The following SMC2 variants were observed in gnomAD, a reference collection of about 807,000 sequenced individuals.
SMC2 encodes the protein structural maintenance of chromosomes protein 2.
A neutral mutation model predicts 142.6 loss-of-function variants in SMC2; 41 were observed. The observed-to-expected ratio is 0.29, with a 90% confidence interval of 0.22 to 0.37. SMC2 has a LOEUF of 0.37. Among genes scored for constraint, SMC2 ranks in the 10% least tolerant of loss-of-function variants. The probability of loss-of-function intolerance (pLI) is 1.00; values close to 1 mark genes in which losing one functional copy is unlikely to be tolerated. For synonymous variants in SMC2, 463 were observed against 457.5 expected (o/e 1.01, Z -0.15); for missense variants, 1,265 against 1,373.7 (o/e 0.92, Z 1.25).
At chr9:104,131,537 A>G (rs1267281812) in intron 21 of SMC2, among the ~76,000 whole-genome samples, 1 of 151,908 alleles carries the variant, frequency 6.6e-6, no homozygotes, top group Non-Finnish European at 1.5e-5. Context: ...GGTCCAATTT[A>G]TGTGGTTCCT....
At chr9:104,124,027 C>G (rs139086927) in intron 17 of SMC2, among the ~76,000 whole-genome samples, 2 of 152,154 alleles carry the variant, frequency 1.3e-5, no homozygotes, top group African/African-American at 4.8e-5. Context: ...GTTATGTTTG[C>G]ACCTGGGTCC....
Position 104,095,410 on chromosome 9 carries a change from A to G in SMC2, c.26A>G (p.Glu9Gly), listed in dbSNP as rs761246411. The change falls in exon 2 of 25, where the codon GAG becomes GGG. Residue 9 changes from glutamate to glycine, a missense_variant. By Grantham distance (98) the Glu-to-Gly change is moderately conservative. Around this residue, in one of 4 missense-constraint regions of SMC2, gnomAD observed 168 missense variants for 184.8 expected, o/e 0.91. Transcript: ENST00000374793. MHIKSIIL[E>G]GFKSYAQRTE... ...ATGCATATTAAGTCAATTATTCTAG[A>G]GGGATTCAAGTCCTATGCTCAGAGG... is the stretch of plus-strand genomic sequence containing the variant. 1.2e-6 allele frequency: 2 copies of G among 1,613,534 alleles called. No individual in the cohort carries two copies. The highest frequency in any genetic ancestry group is 3.3e-5 in the Admixed American group (2 of 60,030).
At position 104,137,759 on chromosome 9, in the gene SMC2, A is replaced by T. The variant is rs575954139; in HGVS notation, c.3270-259A>T. Among the ~76,000 whole-genome samples, 6 of 152,324 alleles carry T rather than the reference A, an allele frequency of 3.9e-5. No individual in the cohort carries two copies. The East Asian group carries it at 1.2e-3, about 29-fold the overall frequency. ...AACATGATCTTAAGAATAGGTGCCAAACGTAATATGGCAATATTAAAATTG... is the reference window on the plus strand; with the variant it reads ...AACATGATCTTAAGAATAGGTGCCATACGTAATATGGCAATATTAAAATTG... On this transcript the variant is annotated intron_variant, in intron 23 of 24. Transcript: ENST00000374793.
intron 16 of SMC2, among the ~76,000 whole-genome samples, chr9:104,122,321 A>G (rs1165395466): frequency 6.6e-6 from 1 of 152,228 alleles, no homozygotes; most frequent in Non-Finnish European, 1.5e-5. Context: ...ATTGTTTCAC[A>G]CCATATCAGG....
At position 104,139,187 on chromosome 9, in the gene SMC2, C is replaced by A; in HGVS notation, c.3466C>A (p.Leu1156Ile). 1.9e-6 allele frequency: 3 copies of A among 1,599,434 alleles called. No individual in the cohort carries two copies. The highest frequency in any genetic ancestry group is 2.3e-5 in the East Asian group (1 of 44,078). Residue 1156 changes from leucine (L) to isoleucine (I), a missense_variant, in exon 25 of 25, where the codon CTT becomes ATT. Leu to Ile is a conservative substitution (Grantham distance 5). Coordinates refer to ENST00000374793, the MANE Select transcript of SMC2 (RefSeq NM_006444.3). Reference protein sequence around the residue: ...KEGMFNNANVLFKTKFVDGVS... With the variant: ...KEGMFNNANVIFKTKFVDGVS... Reference sequence around the variant, plus strand: ...AGGTATGTTCAACAATGCAAACGTTCTTTTCAAAACCAAGTTTGTGGATGG... The same window carrying A: ...AGGTATGTTCAACAATGCAAACGTTATTTTCAAAACCAAGTTTGTGGATGG...
chr9:104,108,571 G>A (rs1832080884), intron 9 of SMC2, among the ~76,000 whole-genome samples: 1 of 152,160 alleles, frequency 6.6e-6, no homozygotes, highest in South Asian at 2.1e-4. Context: ...TCTGGCGCTG[G>A]GAATGAGCAA....
rs1244829962 is a variant in SMC2, at chr9:104,095,252, G to C, written c.-61-72G>C. The C allele has an allele frequency of 1.7e-5, 12 of 691,266 alleles. No homozygotes were observed. In the South Asian group the frequency reaches 2.2e-4, roughly 13 times the overall value. The allele number at this position is 691,266 out of a possible 1,614,324, so 42.8% of individuals were successfully genotyped here. A position where few individuals can be genotyped will look rare whatever the true frequency, so the allele number is the denominator to read the frequency against. The stretch of plus-strand genomic sequence containing the variant: ...TTATTTCTATCACCCTATCGTTGCT[G>C]TTTTTGCCTCGTGTTCATTATGATT... On this transcript the variant is annotated intron_variant, in intron 1 of 24. Transcript: ENST00000374793.
chr9:104,132,013 A>G lies in SMC2; in HGVS notation c.2996A>G (p.Asn999Ser), dbSNP rs201268937. The change falls in exon 22 of 25, where the codon AAT becomes AGT. Residue 999 changes from asparagine to serine, a missense_variant. By Grantham distance (46) the Asn-to-Ser change is conservative. This residue lies in a region of SMC2 where 192 missense variants were observed against 261.9 expected (regional missense o/e 0.73). Coordinates refer to ENST00000374793, the MANE Select transcript of SMC2 (RefSeq NM_006444.3). The part of the protein sequence containing the change: ...NVLTEAEERY[N>S]DLMKKKRIVE... ...ACCATGTTTTTTATCTCATAGTACA[A>G]TGACTTGATGAAGAAGAAGAGAATT... 5.2e-4 allele frequency: 759 copies of G among 1,472,556 alleles called. 3 individuals are homozygous for G. The highest frequency in any genetic ancestry group is 2.1e-3 in the Admixed American group (115 of 54,162). 91.2% of individuals were successfully genotyped at this position (1,472,556 alleles called of 1,614,324 possible).
intron 9 of SMC2, among the ~76,000 whole-genome samples, chr9:104,106,041 G>T (rs1831728836): frequency 1.3e-5 from 2 of 152,186 alleles, no homozygotes; most frequent in Non-Finnish European, 2.9e-5. Flanking sequence ...AAAGTACAGT[G>T]TTTAGGTCCA....
intron 9 of SMC2, among the ~76,000 whole-genome samples, chr9:104,105,997 G>A (rs1831723906): frequency 1.3e-5 from 2 of 152,166 alleles, no homozygotes; most frequent in Admixed American, 1.3e-4. Flanking sequence ...TAGGGATTGG[G>A]CTATGCATTG....
At chr9:104,123,776 T>C (rs969522295) in intron 17 of SMC2, among the ~76,000 whole-genome samples, 3 of 152,176 alleles carry the variant, frequency 2.0e-5, no homozygotes, top group Non-Finnish European at 2.9e-5. Context: ...TCTTTTAATT[T>C]TGTGTTCATA....
chr9:104,132,616 G>T (rs1252186701), intron 22 of SMC2, among the ~76,000 whole-genome samples: 1 of 152,024 alleles, frequency 6.6e-6, no homozygotes, highest in African/African-American at 2.4e-5. Context: ...GTGCCTTCTG[G>T]GTTTTAATGG....
rs1483763886 is a variant in SMC2 at position 104,123,324 on chromosome 9, A to T, written c.2257+92A>T. 6 of 1,281,436 alleles carry T rather than the reference A, an allele frequency of 4.7e-6. No individual in the cohort carries two copies. The East Asian group carries it at 1.6e-4, about 34-fold the overall frequency. 79.4% of individuals were successfully genotyped at this position (1,281,436 alleles called of 1,614,324 possible). Reference sequence around the variant, plus strand: ...CTTCTCTACCTGTGCTATGTTTAAGATATATATGATAAAGTTTATTTAGGG... The same window carrying T: ...CTTCTCTACCTGTGCTATGTTTAAGTTATATATGATAAAGTTTATTTAGGG... On this transcript the variant is annotated intron_variant, in intron 17 of 24. Transcript: ENST00000374793.
In SMC2 at chr9:104,113,601, A is replaced by G. The variant is rs1832738164; in HGVS notation, c.1414+126A>G. 3 of 719,626 alleles carry G rather than the reference A, an allele frequency of 4.2e-6. No individual in the cohort carries two copies. In the Admixed American group the frequency reaches 1.1e-4, roughly 27 times the overall value. 44.6% of individuals were successfully genotyped at this position (719,626 alleles called of 1,614,324 possible). A position where few individuals can be genotyped will look rare whatever the true frequency, so the allele number is the denominator to read the frequency against. On this transcript the variant is annotated intron_variant, in intron 11 of 24. Transcript: ENST00000374793. ...TAGCCTATTAACAAGCATTAGTATA[A>G]GAAGTGTTGTAAATATCGTCAAAAA...
chr9:104,139,375 G>T lies in SMC2; in HGVS notation c.*60G>T. On this transcript the variant is annotated 3_prime_UTR_variant, in exon 25 of 25. Transcript: ENST00000374793. ...TTTAAATGTAAACTTTTAAGGACTT[G>T]AGATAACTAATTTGTTTATATACAA... 7.4e-7 allele frequency: 1 copy of T among 1,358,076 alleles called. No individual in the cohort carries two copies. Among genetic ancestry groups the T allele is most frequent in the South Asian group, 1.4e-5 (1 of 72,300 alleles). The allele number at this position is 1,358,076 out of a possible 1,614,324, so 84.1% of individuals were successfully genotyped here.
At chr9:104,134,665 C>A in intron 23 of SMC2, 90 bp downstream of exon 23, 1 of 879,284 alleles carries the variant, frequency 1.1e-6, no homozygotes, top group Non-Finnish European at 1.6e-6. Flanking sequence ...GTTTTAACTA[C>A]CTTTGCATGT....
upstream of SMC2, among the ~76,000 whole-genome samples, chr9:104,090,577 T>C (rs1455955815): frequency 6.6e-6 from 1 of 152,028 alleles, no homozygotes; most frequent in Admixed American, 6.6e-5. Context: ...GATCTAAATA[T>C]ACAATATTTG....
At chr9:104,091,631 C>T (rs1326629737), upstream of SMC2, among the ~76,000 whole-genome samples, 1 of 152,166 alleles carries the variant, frequency 6.6e-6, no homozygotes, top group African/African-American at 2.4e-5. Flanking sequence ...AATAATCTCT[C>T]AACAAAATGA....
intron 9 of SMC2, among the ~76,000 whole-genome samples, chr9:104,110,300 C>G (rs1412640564): frequency 2.0e-5 from 3 of 152,176 alleles, no homozygotes; most frequent in African/African-American, 7.2e-5. Context: ...GGTTGCCTGC[C>G]TTTCCAGACA....
Sources: gnomAD v4.1 joint callset for allele counts (sites outside exome capture counted in the v4.1 genomes callset) on GRCh38, gnomAD v4.1.1 for gene constraint, gnomAD v4.1.1 regional missense constraint, MANE v1.5 for transcripts, NCBI Gene and HGNC (gene_info 2026-07-23, HGNC 2026-07-21) for gene names.